The following ATL1 variants were observed in gnomAD, a reference collection of about 807,000 sequenced individuals.
ATL1 encodes atlastin GTPase 1, also known as atlastin-1.
ATL1 carries 31 observed loss-of-function variants against 75.5 expected under a neutral mutation model. That is an observed-to-expected ratio of 0.41 (90% CI 0.31 to 0.55). ATL1 has a LOEUF of 0.55. Among genes scored for constraint, ATL1 ranks in the 20% least tolerant of loss-of-function variants. The probability of loss-of-function intolerance (pLI) is 0.27; values close to 1 mark genes in which losing one functional copy is unlikely to be tolerated. For synonymous variants in ATL1, 226 were observed against 233.3 expected, an observed-to-expected ratio of 0.97 and a Z score of 0.28; for missense variants, 405 against 662.6, an observed-to-expected ratio of 0.61 and a Z score of 4.27.
At chr14:50,621,234 C>G (rs189380808) in intron 9 of ATL1, among the ~76,000 whole-genome samples, 130 of 152,300 alleles carry the variant, frequency 8.5e-4, no homozygotes, top group African/African-American at 3.0e-3. Context: ...GCACTGAATA[C>G]TTTTTACCAA....
Position 50,623,227 on chromosome 14 carries a change from A to C in ATL1, c.1098A>C (p.Thr366=). The change falls in exon 11 of 14, where the codon ACA becomes ACC. Residue 366 remains threonine, a synonymous_variant. Transcript: ENST00000358385. ...CAGCCGTGGCAACTGCCAAGGACAC[A>C]TACAACAAAAAAATGGAAGAGGTAA... is the stretch of plus-strand genomic sequence containing the variant. ...NLAAVATAKD[T]YNKKMEEICG... 1 of 1,613,914 alleles carries C rather than the reference A, an allele frequency of 6.2e-7. No individual in the cohort carries two copies. Among genetic ancestry groups the C allele is most frequent in the Non-Finnish European group, 8.5e-7 (1 of 1,179,884 alleles).
intron 6 of ATL1, among the ~76,000 whole-genome samples, chr14:50,605,367 T>C (rs1428049411): frequency 6.6e-6 from 1 of 151,992 alleles, no homozygotes; most frequent in Non-Finnish European, 1.5e-5. Flanking sequence ...ATTTCTATTT[T>C]GCTAATTACC....
At chr14:50,592,913 CA>C (rs1172812271) in intron 4 of ATL1, among the ~76,000 whole-genome samples, 130 of 85,396 alleles carry the variant, frequency 1.5e-3, no homozygotes, top group East Asian at 4.1e-3. Flanking sequence ...ACTCCCGTCT[CA>C]AAAAAAAAAA....
At chr14:50,615,736 T>C (rs2039408761) in intron 8 of ATL1, among the ~76,000 whole-genome samples, 1 of 152,198 alleles carries the variant, frequency 6.6e-6, no homozygotes, top group African/African-American at 2.4e-5. Context: ...TAATGTGTTT[T>C]GAATAAATTA....
intron 6 of ATL1, among the ~76,000 whole-genome samples, chr14:50,606,457 T>C (rs1482534846): frequency 1.3e-5 from 2 of 151,810 alleles, no homozygotes; most frequent in African/African-American, 2.4e-5. Context: ...GTGTTTTGGG[T>C]TCTTTAAGCA....
chr14:50,594,265 CGAGAACA>C (rs2140208474), intron 5 of ATL1, among the ~76,000 whole-genome samples: 1 of 152,184 alleles, frequency 6.6e-6, no homozygotes, highest in Admixed American at 6.5e-5. Flanking sequence ...GCGAGAACAG[CGAGAACA>C]GAGAACAGCG....
intron 11 of ATL1, among the ~76,000 whole-genome samples, chr14:50,623,985 G>C (rs766211117): frequency 6.6e-6 from 1 of 152,216 alleles, no homozygotes; most frequent in Non-Finnish European, 1.5e-5. Flanking sequence ...AAACAGGGAA[G>C]TGGAGGTTGC....
rs991207622 is a variant in ATL1 at position 50,606,471 on chromosome 14, A to G, written c.631-6788A>G. 9.2e-5 allele frequency among the ~76,000 whole-genome samples: 14 copies of G among 151,928 alleles called. 1 individual carries two copies. The highest frequency in any genetic ancestry group is 3.4e-4 in the African/African-American group (14 of 41,386). On this transcript the variant is annotated intron_variant, in intron 6 of 13. Coordinates refer to ENST00000358385, the MANE Select transcript of ATL1 (RefSeq NM_015915.5). Reference sequence around the variant, plus strand: ...AGTGTTTTGGGTTCTTTAAGCAAGCAGAGGCTAGGACAGAGTTGTATGATC... The same window carrying G: ...AGTGTTTTGGGTTCTTTAAGCAAGCGGAGGCTAGGACAGAGTTGTATGATC...
At position 50,580,954 on chromosome 14, in the gene ATL1, CAG is replaced by C. The variant is rs1055733454; in HGVS notation, c.35-6874_35-6873del. ...GATACTTTTAATTTGTTCATTTCAT[CAG>C]AGTTATCAAATTTATTGTCATAAAA... On this transcript the variant is annotated intron_variant, in intron 1 of 13. Transcript: ENST00000358385. 4.6e-5 allele frequency among the ~76,000 whole-genome samples: 7 copies of C among 151,990 alleles called. No individual in the cohort carries two copies. The East Asian group carries it at 5.8e-4, about 13-fold the overall frequency.
rs529393707 is a variant in ATL1 at position 50,566,312 on chromosome 14, T to C, written c.34+6013T>C. Among the ~76,000 whole-genome samples, 83 of 152,314 alleles carry C rather than the reference T, an allele frequency of 5.4e-4. 1 individual carries two copies. Among genetic ancestry groups the C allele is most frequent in the Admixed American group, 1.2e-3 (18 of 15,298 alleles). On this transcript the variant is annotated intron_variant, in intron 1 of 13. Coordinates refer to ENST00000358385, the MANE Select transcript of ATL1 (RefSeq NM_015915.5). ...TGCACCCGGCCAGGACAACCTGTTC[T>C]TACCCTCTCCAAAGGTAAACACTTT...
At chr14:50,629,099 CAT>C in intron 12 of ATL1, among the ~76,000 whole-genome samples, 1 of 152,284 alleles carries the variant, frequency 6.6e-6, no homozygotes, top group East Asian at 1.9e-4. Context: ...CTTGTGTTAA[CAT>C]TATCTCATAT....
chr14:50,628,224 G>A lies in ATL1; in HGVS notation c.1313G>A (p.Ser438Asn). ...ATCCAATATATCAAGCACAATGATAGCAAAAATATCTTCCATGCAGCTCGT... is the reference window on the plus strand; with the variant it reads ...ATCCAATATATCAAGCACAATGATAACAAAAATATCTTCCATGCAGCTCGT... The part of the protein sequence containing the change: ...LYIQYIKHND[S>N]KNIFHAARTP... Residue 438 changes from serine (S) to asparagine (N), a missense_variant, in exon 12 of 14, where the codon AGC becomes AAC. Transcript: ENST00000358385. 1.9e-6 allele frequency: 3 copies of A among 1,614,168 alleles called. No individual in the cohort carries two copies. In the African/African-American group the frequency reaches 4.0e-5, roughly 22 times the overall value.
chr14:50,548,991 G>A (rs1227052886), intron 1 of ATL1, among the ~76,000 whole-genome samples: 2 of 152,206 alleles, frequency 1.3e-5, no homozygotes, highest in African/African-American at 4.8e-5. Context: ...CGTCTCTGGG[G>A]TGGCACAATT....
chr14:50,538,415 C>T (rs941611), intron 1 of ATL1, among the ~76,000 whole-genome samples: 147,627 of 152,350 alleles, frequency 0.97, 71,623 homozygotes, highest in Non-Finnish European at 0.99. Context: ...TAACCTTTAT[C>T]GTCAGAGTGG....
At chr14:50,546,247 T>C (rs1489317146) in intron 1 of ATL1, among the ~76,000 whole-genome samples, 1 of 152,192 alleles carries the variant, frequency 6.6e-6, no homozygotes, top group East Asian at 1.9e-4. Flanking sequence ...GCAAATAAAG[T>C]TTAGCCATAT....
At chr14:50,545,308 C>T (rs911640898) in intron 1 of ATL1, among the ~76,000 whole-genome samples, 1 of 152,148 alleles carries the variant, frequency 6.6e-6, no homozygotes, top group African/African-American at 2.4e-5. Context: ...ACGTTTTGGT[C>T]TCAGCTCCCT....
intron 1 of ATL1, among the ~76,000 whole-genome samples, chr14:50,542,313 G>T (rs2038575642): frequency 6.6e-6 from 1 of 151,836 alleles, no homozygotes; most frequent in Admixed American, 6.6e-5. Flanking sequence ...GGCAAGGGGA[G>T]AGAGAGCACT....
At chr14:50,579,066 G>A (rs1459739576) in intron 1 of ATL1, among the ~76,000 whole-genome samples, 1 of 151,950 alleles carries the variant, frequency 6.6e-6, no homozygotes, top group Non-Finnish European at 1.5e-5. Flanking sequence ...TATATGTATG[G>A]AGTCATTTAA....
At chr14:50,626,021 C>A (rs1387889443) in intron 11 of ATL1, among the ~76,000 whole-genome samples, 2 of 152,160 alleles carry the variant, frequency 1.3e-5, no homozygotes, top group Non-Finnish European at 1.5e-5. Context: ...ATACTTTAAG[C>A]CCACTGTTCA....
Sources: allele counts gnomAD v4.1 joint callset (sites outside exome capture counted in the v4.1 genomes callset), GRCh38; gene constraint gnomAD v4.1.1; transcripts MANE v1.5; gene names NCBI Gene and HGNC (gene_info 2026-07-23, HGNC 2026-07-21).